RGS7: variants seen among roughly 807,000 people sequenced by gnomAD.
RGS7 encodes the protein regulator of G-protein signaling 7.
RGS7 carries 27 observed loss-of-function variants against 81.1 expected under a neutral mutation model. The ratio of observed to expected loss-of-function variants is 0.33; its 90% CI spans 0.25 to 0.46. The LOEUF is 0.46. Ranked by LOEUF, RGS7 falls within the 20% of genes least tolerant of loss-of-function variation. RGS7 has a pLI of 1.00. For missense variants in RGS7, 396 were observed against 607.4 expected, an observed-to-expected ratio of 0.65 and a Z score of 3.66; for synonymous variants, 208 against 207.7, an observed-to-expected ratio of 1.00 and a Z score of -0.01.
intron 3 of RGS7, among the ~76,000 whole-genome samples, chr1:241,064,657 A>G (rs1347263108): frequency 6.6e-6 from 1 of 152,112 alleles, no homozygotes; most frequent in Non-Finnish European, 1.5e-5. Flanking sequence ...GCACTTTGGG[A>G]GGCCAAGGCA....
At chr1:241,345,772 C>T (rs188204365) in intron 2 of RGS7, among the ~76,000 whole-genome samples, 143 of 152,242 alleles carry the variant, frequency 9.4e-4, no homozygotes, top group African/African-American at 3.4e-3. Flanking sequence ...AATCCCAGCA[C>T]TTTGGGAGGC....
Position 241,306,188 on chromosome 1 carries a change from A to G in RGS7, c.78+49511T>C, listed in dbSNP as rs1435792002. 2.0e-5 allele frequency among the ~76,000 whole-genome samples: 3 copies of G among 151,014 alleles called. No individual in the cohort carries two copies. In the East Asian group the frequency reaches 5.9e-4, roughly 29 times the overall value. On this transcript the variant is annotated intron_variant, in intron 2 of 18. Transcript: ENST00000440928. ...CACACATTCACACACCCTCCCATGC[A>G]CAAATACACACACAGGTCCACACAA... is the stretch of plus-strand genomic sequence containing the variant.
At chr1:241,089,020 C>CCTCTCTCTCTCTCTCTCTCTCTCTCT (rs1491281246) in intron 3 of RGS7, among the ~76,000 whole-genome samples, 2 of 45,418 alleles carry the variant, frequency 4.4e-5, no homozygotes, top group Admixed American at 2.3e-4. Flanking sequence ...AGCAAGACTC[C>CCTCTCTCTCTCTCTCTCTCTCTCTCT]ATCTCTCTCT....
At chr1:241,089,611 G>C (rs955747539) in intron 3 of RGS7, among the ~76,000 whole-genome samples, 3 of 151,966 alleles carry the variant, frequency 2.0e-5, no homozygotes, top group African/African-American at 7.3e-5. Context: ...CTCCATTTTT[G>C]TATAACAAAT....
chr1:241,018,268 C>T (rs2148684301), intron 3 of RGS7, among the ~76,000 whole-genome samples: 1 of 151,694 alleles, frequency 6.6e-6, no homozygotes, highest in East Asian at 1.9e-4. Context: ...CAGGCATGAG[C>T]CACCATACCC....
rs547950372 is a variant in RGS7, at chr1:241,074,522, A to G, written c.175+24144T>C. On this transcript the variant is annotated intron_variant, in intron 3 of 18. Coordinates refer to ENST00000440928, the MANE Select transcript of RGS7 (RefSeq NM_001364886.1). ...AGCTGGAGCCAGGTATTCAAACGCA[A>G]TTGTTAGGTTCTTCCCTCTTCTGTA... Among the ~76,000 whole-genome samples, 8 of 152,328 alleles carry G rather than the reference A, an allele frequency of 5.3e-5. No homozygotes were observed. In the South Asian group the frequency reaches 1.7e-3, roughly 32 times the overall value.
intron 2 of RGS7, among the ~76,000 whole-genome samples, chr1:241,132,931 T>G (rs2103047194): frequency 6.6e-6 from 1 of 151,948 alleles, no homozygotes; most frequent in South Asian, 2.1e-4. Flanking sequence ...CCCGGCTAAT[T>G]TTTTGTATTT....
At chr1:240,776,379 C>G (rs574383142) in intron 18 of RGS7, among the ~76,000 whole-genome samples, 166 bp from the exon 19 acceptor site, 27 of 151,720 alleles carry the variant, frequency 1.8e-4, no homozygotes, top group Non-Finnish European at 1.3e-4. Context: ...TGCCTTCCCC[C>G]CTCCCTCCCT....
At chr1:241,140,228 T>C (rs1386119718) in intron 2 of RGS7, among the ~76,000 whole-genome samples, 1 of 152,164 alleles carries the variant, frequency 6.6e-6, no homozygotes, top group African/African-American at 2.4e-5. Flanking sequence ...TGCCTTTCCC[T>C]GCCTAGTTTT....
chr1:240,777,198 C>G (rs1212728532), intron 18 of RGS7, among the ~76,000 whole-genome samples: 2 of 152,038 alleles, frequency 1.3e-5, no homozygotes, highest in Non-Finnish European at 2.9e-5. Context: ...AGGAGAATCA[C>G]TTGAACCCAG....
intron 2 of RGS7, among the ~76,000 whole-genome samples, chr1:241,141,888 A>G (rs112822309): frequency 0.013 from 1,961 of 152,308 alleles, 26 homozygotes; most frequent in African/African-American, 0.044. Context: ...GGTCTCTTCC[A>G]CCTATGAGCC....
chr1:241,104,907 T>C (rs1302051274), intron 2 of RGS7, among the ~76,000 whole-genome samples: 1 of 150,240 alleles, frequency 6.7e-6, no homozygotes, highest in East Asian at 1.9e-4. Context: ...GAAGAGGGGA[T>C]TGATGTATTT....
chr1:240,993,760 G>C (rs1355108697), intron 3 of RGS7, among the ~76,000 whole-genome samples: 3 of 151,732 alleles, frequency 2.0e-5, no homozygotes, highest in Non-Finnish European at 4.4e-5. Flanking sequence ...TTAAATCTAA[G>C]AACTCTTTGC....
chr1:240,914,208 A>G (rs1325343100), intron 6 of RGS7, among the ~76,000 whole-genome samples: 3 of 152,158 alleles, frequency 2.0e-5, no homozygotes, highest in Non-Finnish European at 4.4e-5. Flanking sequence ...GAGAACAAAC[A>G]TTGGAACATT....
chr1:240,803,152 T>C (rs1688280762), intron 15 of RGS7, among the ~76,000 whole-genome samples, 159 bp from the exon 16 acceptor site: 1 of 152,186 alleles, frequency 6.6e-6, no homozygotes, highest in African/African-American at 2.4e-5. Flanking sequence ...ATTTAGATCT[T>C]CAAATTCATT....
intron 2 of RGS7, among the ~76,000 whole-genome samples, chr1:241,347,161 C>T (rs977792266): frequency 6.6e-6 from 1 of 152,126 alleles, no homozygotes; most frequent in Non-Finnish European, 1.5e-5. Context: ...ACATCTTCTA[C>T]CAATGAGTAA....
At chr1:240,832,448 G>C (rs1437830930) in intron 9 of RGS7, among the ~76,000 whole-genome samples, 1 of 152,164 alleles carries the variant, frequency 6.6e-6, no homozygotes, top group Non-Finnish European at 1.5e-5. Flanking sequence ...ACTCCTGAGG[G>C]AGTAAACGGA....
intron 2 of RGS7, among the ~76,000 whole-genome samples, chr1:241,223,164 G>A (rs1284500813): frequency 1.3e-5 from 2 of 152,166 alleles, no homozygotes; most frequent in Non-Finnish European, 2.9e-5. Context: ...GCTTTAGAAT[G>A]TCAACGATAA....
At chr1:241,102,306 A>G (rs899471412) in intron 2 of RGS7, among the ~76,000 whole-genome samples, 3 of 152,162 alleles carry the variant, frequency 2.0e-5, no homozygotes, top group Non-Finnish European at 4.4e-5. Context: ...TAGCCCTCAA[A>G]TGACTGAAGG....
Sources: gnomAD v4.1 joint callset for allele counts (sites outside exome capture counted in the v4.1 genomes callset) on GRCh38, gnomAD v4.1.1 for gene constraint, MANE v1.5 for transcripts, NCBI Gene and HGNC (gene_info 2026-07-23, HGNC 2026-07-21) for gene names.